The following EPG5 variants were observed in gnomAD, a reference collection of about 807,000 sequenced individuals.
EPG5 encodes the protein ectopic P granules protein 5 homolog.
In EPG5, 159 loss-of-function variants were observed where a neutral mutation model predicts 302.7. The ratio of observed to expected loss-of-function variants is 0.53; its 90% confidence interval spans 0.46 to 0.60. The LOEUF (loss-of-function observed/expected upper bound fraction) is 0.60. Ranked by LOEUF, EPG5 falls within the 20% of genes least tolerant of loss-of-function variation. The probability of loss-of-function intolerance (pLI) is 0.00; values close to 1 mark genes in which losing one functional copy is unlikely to be tolerated. For synonymous variants in EPG5, 1,158 were observed against 1,136.8 expected (o/e 1.02, Z -0.37); for missense variants, 2,896 against 3,092.4 (o/e 0.94, Z 1.51).
chr18:45,868,262 C>A, intron 36 of EPG5: 1 of 446,172 alleles, frequency 2.2e-6, no homozygotes, highest in Non-Finnish European at 4.5e-6. Flanking sequence ...AATGCTGATG[C>A]TGCTGTCCCA....
chr18:45,832,932 G>A, the EPG5 span, among the ~76,000 whole-genome samples: 18 of 152,020 alleles, frequency 1.2e-4, no homozygotes, highest in Non-Finnish European at 2.9e-5. Flanking sequence ...CCAAGTGCCC[G>A]CTTCTTTGAA....
chr18:45,923,941 T>C (rs2050211907), intron 14 of EPG5, among the ~76,000 whole-genome samples: 1 of 151,758 alleles, frequency 6.6e-6, no homozygotes, highest in Admixed American at 6.6e-5. Flanking sequence ...AGCAGCAGAA[T>C]TGATTGAACC....
At chr18:45,801,948 A>T in the EPG5 span, among the ~76,000 whole-genome samples, 3 of 152,050 alleles carry the variant, frequency 2.0e-5, no homozygotes, top group Admixed American at 2.0e-4. Context: ...ACACTCTCTG[A>T]GGGCTCTCTG....
intron 35 of EPG5, among the ~76,000 whole-genome samples, chr18:45,875,915 G>C (rs945060807): frequency 6.6e-6 from 1 of 152,052 alleles, no homozygotes; most frequent in Admixed American, 6.6e-5. Context: ...AAATTAGCCA[G>C]GTGTGGCGGC....
At chr18:45,859,222 T>C (rs2048582151) in intron 40 of EPG5, among the ~76,000 whole-genome samples, 1 of 152,264 alleles carries the variant, frequency 6.6e-6, no homozygotes, top group Admixed American at 6.5e-5. Context: ...GTGAGTAGTT[T>C]TACTTATCAA....
At chr18:45,812,979 G>A in the EPG5 span, among the ~76,000 whole-genome samples, 10 of 152,268 alleles carry the variant, frequency 6.6e-5, no homozygotes, top group Admixed American at 5.2e-4. Context: ...AGAGTGAACA[G>A]GCAACCCACA....
In EPG5 at chr18:45,910,680, A is replaced by G; in HGVS notation, c.4046T>C (p.Leu1349Ser). The part of the protein sequence containing the change: ...FFQSPAHINL[L>S]KEMKRRLTEV... ...GGTCAAACGTCTCTTCATTTCTTTC[A>G]ACAAATTGATATGAGCAGGACTTTG... The change falls in exon 23 of 44, where the codon TTG (leucine) becomes TCG (serine). Residue 1349 changes from leucine (L) to serine (S), a missense_variant. Physicochemically the swap from Leu to Ser is moderately radical, Grantham distance 145. Coordinates refer to ENST00000282041, the MANE Select transcript of EPG5 (RefSeq NM_020964.3). 6.2e-7 allele frequency: 1 copy of G among 1,614,152 alleles called. No individual in the cohort carries two copies. The highest frequency in any genetic ancestry group is 8.5e-7 in the Non-Finnish European group (1 of 1,180,020).
At chr18:45,935,318 G>A (rs2050495724) in intron 10 of EPG5, among the ~76,000 whole-genome samples, 1 of 152,146 alleles carries the variant, frequency 6.6e-6, no homozygotes, top group Admixed American at 6.5e-5. Flanking sequence ...CGAGGCAGGT[G>A]GATCACTTGA....
Position 45,901,309 on chromosome 18 carries a change from T to G in EPG5, c.4475-142A>C, listed in dbSNP as rs2049612394. The stretch of plus-strand genomic sequence containing the variant: ...GTTGAAGAGTTAAAGCTCATGATCT[T>G]AAATTATTACCCTAGACAGGCCTTG... On this transcript the variant is annotated intron_variant, in intron 25 of 43. Coordinates refer to ENST00000282041, the MANE Select transcript of EPG5 (RefSeq NM_020964.3). The G allele has an allele frequency of 4.2e-6, 3 of 709,622 alleles. No individual in the cohort carries two copies. In the African/African-American group the frequency reaches 5.3e-5, roughly 13 times the overall value. 44.0% of individuals were successfully genotyped at this position (709,622 alleles called of 1,614,324 possible).
At chr18:45,840,542 G>A in the EPG5 span, among the ~76,000 whole-genome samples, 1 of 152,186 alleles carries the variant, frequency 6.6e-6, no homozygotes, top group Non-Finnish European at 1.5e-5. Flanking sequence ...CCACATTGGG[G>A]ACACTCATCC....
intron 30 of EPG5, among the ~76,000 whole-genome samples, chr18:45,882,884 G>T (rs141247838): frequency 1.4e-3 from 208 of 152,070 alleles, no homozygotes; most frequent in African/African-American, 4.8e-3. Flanking sequence ...GCATATGCCT[G>T]TAATCCCGGC....
intron 29 of EPG5, 109 bp downstream of exon 29, chr18:45,887,642 A>T: frequency 1.1e-6 from 1 of 936,166 alleles, no homozygotes; most frequent in Non-Finnish European, 1.5e-6. Context: ...CTTGGGTAAG[A>T]CTCTGAACCT....
Position 45,848,102 on chromosome 18 carries a change from G to A in EPG5, c.*4365C>T, listed in dbSNP as rs1175733782. 2.0e-5 allele frequency: 3 copies of A among 151,974 alleles called. No individual in the cohort carries two copies. Among genetic ancestry groups the A allele is most frequent in the African/African-American group, 7.3e-5 (3 of 41,342 alleles). 9.4% of individuals were successfully genotyped at this position (151,974 alleles called of 1,614,324 possible). A position where few individuals can be genotyped will look rare whatever the true frequency, so the allele number is the denominator to read the frequency against. ...TGCCCGAGGCATGCTGTGGAAACCG[G>A]ACCAAAATGAAGTCTGCGTTAGTAA... On this transcript the variant is annotated 3_prime_UTR_variant, in exon 44 of 44. Transcript: ENST00000282041.
chr18:45,858,116 A>G (rs1365948312), intron 41 of EPG5, 48 bp from the exon 42 acceptor site: 1 of 1,444,344 alleles, frequency 6.9e-7, no homozygotes, highest in African/African-American at 1.4e-5. Context: ...AATTTTTCCC[A>G]CTCCCATTTA....
rs1568157867 is a variant in EPG5 at position 45,922,435 on chromosome 18, C to T, written c.3004G>A (p.Glu1002Lys). The change falls in exon 16 of 44, where the codon GAG becomes AAG. Residue 1002 changes from glutamate to lysine, a missense_variant. Transcript: ENST00000282041. ...AAGAGAGGATGAAACGTGGGTGACT[C>T]TGTCATGTCAGGCACAGTGACGGAG... Reference protein sequence around the residue: ...PFSVTVPDMTESPTFHPLLKA... With the variant: ...PFSVTVPDMTKSPTFHPLLKA... The T allele has an allele frequency of 6.2e-7, 1 of 1,614,220 alleles. No homozygotes were observed. Among genetic ancestry groups the T allele is most frequent in the South Asian group, 1.1e-5 (1 of 91,080 alleles).
At chr18:45,906,245 T>C (rs950263878) in intron 24 of EPG5, among the ~76,000 whole-genome samples, 1 of 152,224 alleles carries the variant, frequency 6.6e-6, no homozygotes, top group Non-Finnish European at 1.5e-5. Flanking sequence ...TTCCTCGATA[T>C]ATTTTTAATT....
the EPG5 span, chr18:45,825,571 C>G: frequency 1.5e-6 from 1 of 686,880 alleles, no homozygotes; most frequent in Non-Finnish European, 2.5e-6. Context: ...GCTTCCTGTC[C>G]CCAGTTCCTC....
At chr18:45,838,656 G>A in the EPG5 span, 2 of 1,458,370 alleles carry the variant, frequency 1.4e-6, no homozygotes, top group African/African-American at 1.5e-5. Flanking sequence ...CTCCGGCTCT[G>A]GCGTCCAAAG....
the EPG5 span, among the ~76,000 whole-genome samples, chr18:45,813,339 C>A: frequency 5.3e-4 from 80 of 152,250 alleles, 1 homozygote; most frequent in East Asian, 4.8e-3. Flanking sequence ...TAGTTCAACC[C>A]TTGTGGAAGT....
Sources: allele counts gnomAD v4.1 joint callset (sites outside exome capture counted in the v4.1 genomes callset), GRCh38; gene constraint gnomAD v4.1.1; transcripts MANE v1.5; gene names NCBI Gene and HGNC (gene_info 2026-07-23, HGNC 2026-07-21).